OXCT2: variants seen among roughly 807,000 people sequenced by gnomAD.
The protein encoded by OXCT2 is 3-oxoacid CoA-transferase 2.
For synonymous variants in OXCT2, 110 were observed against 298.4 expected (o/e 0.37, Z 6.51); for missense variants, 317 against 695.7 (o/e 0.46, Z 6.12).
Position 39,771,201 on chromosome 1 carries a change from C to G in OXCT2, c.55G>C (p.Gly19Arg). 1 of 1,533,362 alleles carries G rather than the reference C, an allele frequency of 6.5e-7. No homozygotes were observed. The highest frequency in any genetic ancestry group is 2.3e-4 in the Middle Eastern group (1 of 4,314). The allele number at this position is 1,533,362 out of a possible 1,614,324, so 95.0% of individuals were successfully genotyped here. A position where few individuals can be genotyped will look rare whatever the true frequency, so the allele number is the denominator to read the frequency against. Reference protein sequence around the residue: ...SVLGRGVPAGGSGLALSQGCA... With the variant: ...SVLGRGVPAGRSGLALSQGCA... Reference sequence around the variant, plus strand: ...CCCTGGGACAGCGCGAGCCCTGAGCCGCCGGCGGGGACCCCGCGCCCGAGC... The same window carrying G: ...CCCTGGGACAGCGCGAGCCCTGAGCGGCCGGCGGGGACCCCGCGCCCGAGC... The change falls in exon 1 of 1, where the codon GGC (glycine) becomes CGC (arginine). Residue 19 changes from glycine to arginine, a missense_variant. Gly to Arg is a moderately radical substitution (Grantham distance 125). Coordinates refer to ENST00000327582, the MANE Select transcript of OXCT2 (RefSeq NM_022120.2).
chr1:39,770,497 A>G lies in OXCT2; in HGVS notation c.759T>C (p.Ala253=). Residue 253 remains alanine, a synonymous_variant, in exon 1 of 1, where the codon GCT becomes GCC. Coordinates refer to ENST00000327582, the MANE Select transcript of OXCT2 (RefSeq NM_022120.2). ...GAACGTGGATGTCTTCTGGGGGGAAAGCCCCCACCTCCACGATCTCTTCCA... is the reference window on the plus strand; with the variant it reads ...GAACGTGGATGTCTTCTGGGGGGAAGGCCCCCACCTCCACGATCTCTTCCA... ...VEVEEIVEVG[A]FPPEDIHVPN... is the part of the protein sequence containing the mutation. 6.2e-7 allele frequency: 1 copy of G among 1,610,240 alleles called. No homozygotes were observed. The highest frequency in any genetic ancestry group is 8.5e-7 in the Non-Finnish European group (1 of 1,179,182).
In OXCT2 at chr1:39,769,907, A is replaced by G. The variant is rs145089929; in HGVS notation, c.1349T>C (p.Met450Thr). ...HCTKDNTPKI[M>T]EKCTMPLTGK... ...GGTCAGCGGCATGGTGCATTTCTCC[A>G]TGATCTTGGGGGTGTTGTCCTTTGT... The change falls in exon 1 of 1, where the codon ATG becomes ACG. Residue 450 changes from methionine to threonine, a missense_variant. Physicochemically the swap from Met to Thr is moderately conservative, Grantham distance 81. Transcript: ENST00000327582. 3 of 1,604,232 alleles carry G rather than the reference A, an allele frequency of 1.9e-6. No homozygotes were observed. The highest frequency in any genetic ancestry group is 2.8e-5 in the African/African-American group (2 of 72,722).
Position 39,769,601 on chromosome 1 carries a change from C to T in OXCT2, c.*101G>A. Reference sequence around the variant, plus strand: ...CCACCTAGGGAGGAAAGTAGGAGGCCAGTAGCAAACCCCTCCCAGAGCTGG... The same window carrying T: ...CCACCTAGGGAGGAAAGTAGGAGGCTAGTAGCAAACCCCTCCCAGAGCTGG... On this transcript the variant is annotated 3_prime_UTR_variant, in exon 1 of 1. Coordinates refer to ENST00000327582, the MANE Select transcript of OXCT2 (RefSeq NM_022120.2). The T allele has an allele frequency of 7.0e-7, 1 of 1,426,986 alleles. No individual in the cohort carries two copies. The highest frequency in any genetic ancestry group is 1.5e-5 in the South Asian group (1 of 66,296). 88.4% of individuals were successfully genotyped at this position (1,426,986 alleles called of 1,614,324 possible). A position where few individuals can be genotyped will look rare whatever the true frequency, so the allele number is the denominator to read the frequency against.
chr1:39,770,689 C>G lies in OXCT2; in HGVS notation c.567G>C (p.Val189=). Reference sequence around the variant, plus strand: ...GGAAGTGGTCGCCGTTGAACTCCCTCACCTCTCGGGGCTGGCTCATGAGCG... The same window carrying G: ...GGAAGTGGTCGCCGTTGAACTCCCTGACCTCTCGGGGCTGGCTCATGAGCG... ...HLALMSQPRE[V]REFNGDHFLL... is the part of the protein sequence containing the mutation. Residue 189 remains valine (V), a synonymous_variant, in exon 1 of 1, where the codon GTG becomes GTC. Transcript: ENST00000327582. 1 of 1,347,870 alleles carries G rather than the reference C, an allele frequency of 7.4e-7. No homozygotes were observed. Among genetic ancestry groups the G allele is most frequent in the African/African-American group, 2.0e-5 (1 of 51,276 alleles). The allele number at this position is 1,347,870 out of a possible 1,614,324, so 83.5% of individuals were successfully genotyped here.
chr1:39,769,805 C>A lies in OXCT2; in HGVS notation c.1451G>T (p.Arg484Met), dbSNP rs373650086. The A allele has an allele frequency of 6.2e-7, 1 of 1,613,724 alleles. No homozygotes were observed. Among genetic ancestry groups the A allele is most frequent in the Non-Finnish European group, 8.5e-7 (1 of 1,179,844 alleles). ...CACCGTCAGGCCCTCCCAGAGCTCC[C>A]TCAGCGTCAGCTCTTTCTTCCTGTG... ...DVHRKKELTL[R>M]ELWEGLTVDD... The change falls in exon 1 of 1, where the codon AGG (arginine) becomes ATG (methionine). Residue 484 changes from arginine to methionine, a missense_variant. Arg to Met is a moderately conservative substitution (Grantham distance 91, BLOSUM62 -1). Transcript: ENST00000327582.
In OXCT2 at chr1:39,769,659, C is replaced by G. The variant is rs1050918; in HGVS notation, c.*43G>C. On this transcript the variant is annotated 3_prime_UTR_variant, in exon 1 of 1. Transcript: ENST00000327582. ...TATTCCCCTGGGGAACCCGGTGGCA[C>G]CCGCCCTGAGGAGCGCACCACCCCG... 7.9e-7 allele frequency: 1 copy of G among 1,261,642 alleles called. No homozygotes were observed. The highest frequency in any genetic ancestry group is 1.1e-6 in the Non-Finnish European group (1 of 934,188). 78.2% of individuals were successfully genotyped at this position (1,261,642 alleles called of 1,614,324 possible). A position where few individuals can be genotyped will look rare whatever the true frequency, so the allele number is the denominator to read the frequency against.
rs1649869390 is a variant in OXCT2, at chr1:39,770,345, C to G, written c.911G>C (p.Arg304Thr). ...GTCCTCAAATTCCAGAGCTGCGCGT[C>G]TGATGATGCGCGTCCTGGCGTCCTC... ...KEEDARTRII[R>T]RAALEFEDGM... Residue 304 changes from arginine (R) to threonine (T), a missense_variant, in exon 1 of 1, where the codon AGA becomes ACA. By Grantham distance (71) the Arg-to-Thr change is moderately conservative. Transcript: ENST00000327582. The G allele has an allele frequency of 6.3e-7, 1 of 1,592,494 alleles. No homozygotes were observed. The highest frequency in any genetic ancestry group is 8.5e-7 in the Non-Finnish European group (1 of 1,174,516).
chr1:39,771,164 C>A lies in OXCT2; in HGVS notation c.92G>T (p.Cys31Phe). The A allele has an allele frequency of 6.5e-7, 1 of 1,549,264 alleles. No individual in the cohort carries two copies. The highest frequency in any genetic ancestry group is 8.8e-7 in the Non-Finnish European group (1 of 1,139,638). Residue 31 changes from cysteine to phenylalanine, a missense_variant, in exon 1 of 1, where the codon TGC becomes TTC. By Grantham distance (205) the Cys-to-Phe change is radical (BLOSUM62 -2). Transcript: ENST00000327582. ...GLALSQGCAR[C>F]FATSPRLRAK... ...ACGGAGCCGGGGACTGGTGGCAAAG[C>A]AGCGGGCGCAGCCCTGGGACAGCGC...
Position 39,770,305 on chromosome 1 carries a change from A to G in OXCT2, c.951T>C (p.Asn317=), listed in dbSNP as rs199751804. 1.6e-5 allele frequency: 25 copies of G among 1,581,782 alleles called. 2 individuals carry two copies. The highest frequency in any genetic ancestry group is 2.1e-5 in the Non-Finnish European group (24 of 1,169,006). ...ALEFEDGMYA[N]LGIGIPLLAS... ...CCAGCAGGGGGATGCCTATGCCCAG[A>G]TTGGCGTACATGCCGTCCTCAAATT... is the stretch of plus-strand genomic sequence containing the variant. Residue 317 remains asparagine, a synonymous_variant, in exon 1 of 1, where the codon AAT becomes AAC. Coordinates refer to ENST00000327582, the MANE Select transcript of OXCT2 (RefSeq NM_022120.2).
In OXCT2 at chr1:39,770,770, C is replaced by G; in HGVS notation, c.486G>C (p.Gly162=). 1.1e-6 allele frequency: 1 copy of G among 891,048 alleles called. No homozygotes were observed. The highest frequency in any genetic ancestry group is 1.8e-5 in the South Asian group (1 of 55,122). The allele number at this position is 891,048 out of a possible 1,614,324, so 55.2% of individuals were successfully genotyped here. A position where few individuals can be genotyped will look rare whatever the true frequency, so the allele number is the denominator to read the frequency against. Residue 162 remains glycine, a synonymous_variant, in exon 1 of 1, where the codon GGG becomes GGC. Coordinates refer to ENST00000327582, the MANE Select transcript of OXCT2 (RefSeq NM_022120.2). The part of the protein sequence containing the change: ...VPAFYTPTGY[G]TLVQEGGAPI... ...GGGCGCCCCCTTCCTGGACCAGGGT[C>G]CCGTAGCCCGTGGGGGTGTAGAAGG...
Position 39,771,047 on chromosome 1 carries a change from G to A in OXCT2, c.209C>T (p.Pro70Leu), listed in dbSNP as rs1649938791. Residue 70 changes from proline to leucine, a missense_variant, in exon 1 of 1, where the codon CCC becomes CTC. Transcript: ENST00000327582. ...MIGGFGLCGI[P>L]ENLIAALLRT... is the part of the protein sequence containing the mutation. ...GAGCAGCGCGGCGATCAGGTTCTCGGGGATCCCGCAGAGCCCGAAGCCCCC... is the reference window on the plus strand; with the variant it reads ...GAGCAGCGCGGCGATCAGGTTCTCGAGGATCCCGCAGAGCCCGAAGCCCCC... 1 of 1,523,946 alleles carries A rather than the reference G, an allele frequency of 6.6e-7. No individual in the cohort carries two copies. The highest frequency in any genetic ancestry group is 2.4e-5 in the East Asian group (1 of 41,420). The allele number at this position is 1,523,946 out of a possible 1,614,324, so 94.4% of individuals were successfully genotyped here. A position where few individuals can be genotyped will look rare whatever the true frequency, so the allele number is the denominator to read the frequency against.
chr1:39,769,953 C>T lies in OXCT2; in HGVS notation c.1303G>A (p.Val435Met), dbSNP rs777575586. Residue 435 changes from valine to methionine, a missense_variant, in exon 1 of 1, where the codon GTG (valine) becomes ATG (methionine). Transcript: ENST00000327582. ...DLVSSQKTRV[V>M]VTMQHCTKDN... ...TTTGTGCAGTGCTGCATGGTGACCA[C>T]CACTCTGGTCTTCTGACTGGACACC... The T allele has an allele frequency of 1.0e-5, 16 of 1,569,848 alleles. No individual in the cohort carries two copies. The African/African-American group carries it at 1.4e-4, about 14-fold the overall frequency.
rs1445389318 is a variant in OXCT2 at position 39,771,190 on chromosome 1, G to A, written c.66C>T (p.Leu22=). 5 of 1,536,158 alleles carry A rather than the reference G, an allele frequency of 3.3e-6. No individual in the cohort carries two copies. The East Asian group carries it at 9.7e-5, about 30-fold the overall frequency. ...GRGVPAGGSG[L]ALSQGCARCF... The stretch of plus-strand genomic sequence containing the variant: ...AGCGGGCGCAGCCCTGGGACAGCGC[G>A]AGCCCTGAGCCGCCGGCGGGGACCC... The change falls in exon 1 of 1, where the codon CTC becomes CTT. Residue 22 remains leucine, a synonymous_variant. Transcript: ENST00000327582.
Position 39,769,692 on chromosome 1 carries a change from CCAGGTCCCGT to C in OXCT2, c.1554_*9del, listed in dbSNP as rs1477010369. 2.5e-6 allele frequency: 4 copies of C among 1,598,910 alleles called. No individual in the cohort carries two copies. In the South Asian group the frequency reaches 4.5e-5, roughly 18 times the overall value. Reference sequence around the variant, plus strand: ...GAGGAGCGCACCACCCCGCCCAGATCCAGGTCCCGTCAGGGTGCCACCTGCTGCATGGGCC... The same window carrying C: ...GAGGAGCGCACCACCCCGCCCAGATCCAGGGTGCCACCTGCTGCATGGGCC... On this transcript the variant is annotated stop_lost and 3_prime_UTR_variant, in exon 1 of 1. Coordinates refer to ENST00000327582, the MANE Select transcript of OXCT2 (RefSeq NM_022120.2).
Position 39,771,303 on chromosome 1 carries a change from C to T in OXCT2, c.-48G>A, listed in dbSNP as rs778586931. 6.3e-6 allele frequency: 9 copies of T among 1,427,732 alleles called. No individual in the cohort carries two copies. In the South Asian group the frequency reaches 1.2e-4, roughly 19 times the overall value. 88.4% of individuals were successfully genotyped at this position (1,427,732 alleles called of 1,614,324 possible). A position where few individuals can be genotyped will look rare whatever the true frequency, so the allele number is the denominator to read the frequency against. ...GGACAGGTGGTGTGAGCCCTGCGTGCGCCTCGGGCCGCGCGTCACAGAGCA... is the reference window on the plus strand; with the variant it reads ...GGACAGGTGGTGTGAGCCCTGCGTGTGCCTCGGGCCGCGCGTCACAGAGCA... On this transcript the variant is annotated 5_prime_UTR_variant, in exon 1 of 1. Coordinates refer to ENST00000327582, the MANE Select transcript of OXCT2 (RefSeq NM_022120.2).
chr1:39,770,098 G>T lies in OXCT2; in HGVS notation c.1158C>A (p.Ile386=). The change falls in exon 1 of 1, where the codon ATC becomes ATA. Residue 386 remains isoleucine (I), a synonymous_variant. Coordinates refer to ENST00000327582, the MANE Select transcript of OXCT2 (RefSeq NM_022120.2). The part of the protein sequence containing the change: ...FFASDDSFAM[I]RGGHIQLTML... Reference sequence around the variant, plus strand: ...TGGTTAGTTGGATGTGTCCCCCTCGGATCATGGCGAAGGAGTCGTCGCTGG... The same window carrying T: ...TGGTTAGTTGGATGTGTCCCCCTCGTATCATGGCGAAGGAGTCGTCGCTGG... 8.2e-7 allele frequency: 1 copy of T among 1,221,360 alleles called. No individual in the cohort carries two copies. Among genetic ancestry groups the T allele is most frequent in the Non-Finnish European group, 1.1e-6 (1 of 903,922 alleles). 75.7% of individuals were successfully genotyped at this position (1,221,360 alleles called of 1,614,324 possible).
chr1:39,770,534 G>A lies in OXCT2; in HGVS notation c.722C>T (p.Thr241Met), dbSNP rs145014048. ...NVPMCKAADV[T>M]AVEVEEIVEV... ...CACGATCTCTTCCACCTCCACCGCC[G>A]TGACGTCTGCAGCTTTGCACATGGG... Residue 241 changes from threonine to methionine, a missense_variant, in exon 1 of 1, where the codon ACG becomes ATG. By Grantham distance (81) the Thr-to-Met change is moderately conservative. Transcript: ENST00000327582. 2.7e-4 allele frequency: 435 copies of A among 1,610,054 alleles called. 29 individuals are homozygous for A. In the African/African-American group the frequency reaches 5.2e-3, roughly 19 times the overall value.
Position 39,770,392 on chromosome 1 carries a change from T to A in OXCT2, c.864A>T (p.Glu288Asp). ...CCTCTTCCTTTCCAGCGTCTCCATC[T>A]TCCTCTTTCAGGATCGTTAAGCGCT... ...RIERLTILKE[E>D]DGDAGKEEDA... The change falls in exon 1 of 1, where the codon GAA (glutamate) becomes GAT (aspartate). Residue 288 changes from glutamate to aspartate, a missense_variant. By Grantham distance (45) the Glu-to-Asp change is conservative (BLOSUM62 2). Transcript: ENST00000327582. 3 of 1,600,610 alleles carry A rather than the reference T, an allele frequency of 1.9e-6. No homozygotes were observed. Among genetic ancestry groups the A allele is most frequent in the Non-Finnish European group, 2.6e-6 (3 of 1,176,458 alleles).
In OXCT2 at chr1:39,770,589, A is replaced by G. The variant is rs779183881; in HGVS notation, c.667T>C (p.Phe223Leu). ...TTGAAATTGCGGGCGCTTCTCCTGAAGACCACGTTTCCTGCCCGGTCGGCC... is the reference window on the plus strand; with the variant it reads ...TTGAAATTGCGGGCGCTTCTCCTGAGGACCACGTTTCCTGCCCGGTCGGCC... The part of the protein sequence containing the change: ...WKADRAGNVV[F>L]RRSARNFNVP... Residue 223 changes from phenylalanine to leucine, a missense_variant, in exon 1 of 1, where the codon TTC becomes CTC. Transcript: ENST00000327582. 1 of 1,600,080 alleles carries G rather than the reference A, an allele frequency of 6.2e-7. No homozygotes were observed. The highest frequency in any genetic ancestry group is 8.5e-7 in the Non-Finnish European group (1 of 1,174,722).
Sources: allele counts gnomAD v4.1 joint callset, GRCh38; gene constraint gnomAD v4.1.1; transcripts MANE v1.5; gene names NCBI Gene and HGNC (gene_info 2026-07-23, HGNC 2026-07-21).